Variants in WDPCP observed in about 807,000 individuals in gnomAD.
WDPCP encodes WD repeat-containing and planar cell polarity effector protein fritz homolog.
Under a neutral mutation model 93.1 loss-of-function variants are expected in WDPCP, and 71 were observed. That is an observed-to-expected ratio of 0.76 (90% CI 0.63 to 0.93). WDPCP has a LOEUF of 0.93. WDPCP is among the 40% of genes least tolerant of loss of function. The probability of loss-of-function intolerance (pLI) is 0.00; values close to 1 mark genes in which losing one functional copy is unlikely to be tolerated. For synonymous variants in WDPCP, 315 were observed against 315.0 expected (o/e 1.00, Z 0.00); for missense variants, 844 against 887.4 (o/e 0.95, Z 0.62).
intron 10 of WDPCP, among the ~76,000 whole-genome samples, chr2:63,397,718 TTA>T (rs1235856365): frequency 6.6e-6 from 1 of 152,134 alleles, no homozygotes; most frequent in African/African-American, 2.4e-5. Flanking sequence ...AGACATGTAT[TTA>T]TCAAGTAGGA....
intron 2 of WDPCP, chr2:63,717,675 T>C: frequency 2.0e-6 from 1 of 500,362 alleles, no homozygotes; most frequent in Non-Finnish European, 4.0e-6. Context: ...CAAAATCCTC[T>C]TAGAGCAGGG....
intron 13 of WDPCP, among the ~76,000 whole-genome samples, chr2:63,262,102 T>C (rs941288936): frequency 6.6e-6 from 1 of 152,206 alleles, no homozygotes; most frequent in African/African-American, 2.4e-5. Flanking sequence ...TTTTTACATC[T>C]ATGCTCTTAA....
chr2:63,472,528 T>C (rs1490183797), intron 6 of WDPCP, among the ~76,000 whole-genome samples: 1 of 152,132 alleles, frequency 6.6e-6, no homozygotes, highest in Non-Finnish European at 1.5e-5. Flanking sequence ...AATTTTTCTA[T>C]TTACGCTGTC....
At chr2:63,464,704 G>GA (rs1210546139) in intron 6 of WDPCP, among the ~76,000 whole-genome samples, 1 of 151,942 alleles carries the variant, frequency 6.6e-6, no homozygotes, top group Non-Finnish European at 1.5e-5. Context: ...TATTCAGCCT[G>GA]AAAAAAAGAA....
intron 2 of WDPCP, among the ~76,000 whole-genome samples, chr2:63,810,152 A>G (rs1013713690): frequency 6.6e-6 from 1 of 152,194 alleles, no homozygotes; most frequent in Non-Finnish European, 1.5e-5. Flanking sequence ...TTTATACTTC[A>G]CTGGGCATCC....
chr2:63,576,712 C>A (rs1480807632), intron 1 of WDPCP, among the ~76,000 whole-genome samples: 4 of 152,196 alleles, frequency 2.6e-5, no homozygotes, highest in Non-Finnish European at 5.9e-5. Flanking sequence ...CCTCTGGCAA[C>A]CAGCCCCCCA....
intron 1 of WDPCP, among the ~76,000 whole-genome samples, chr2:63,494,287 T>TGACGACGATGACGACGAC (rs1553411023): frequency 1.3e-5 from 2 of 150,334 alleles, no homozygotes; most frequent in Non-Finnish European, 3.0e-5. Context: ...ATGATGATGA[T>TGACGACGATGACGACGAC]GACGACGACG....
At chr2:63,445,526 A>G (rs1350533275) in intron 6 of WDPCP, among the ~76,000 whole-genome samples, 1 of 152,192 alleles carries the variant, frequency 6.6e-6, no homozygotes, top group African/African-American at 2.4e-5. Flanking sequence ...ATAAAAGAAA[A>G]GTGATCATTC....
chr2:63,216,272 A>G (rs930997379), intron 14 of WDPCP, among the ~76,000 whole-genome samples: 63 of 152,252 alleles, frequency 4.1e-4, no homozygotes, highest in Non-Finnish European at 7.2e-4. Context: ...GTTTATTGCA[A>G]CACTATTCAC....
chr2:63,340,318 G>A (rs1688747366), intron 12 of WDPCP, among the ~76,000 whole-genome samples: 1 of 152,150 alleles, frequency 6.6e-6, no homozygotes, highest in Non-Finnish European at 1.5e-5. Context: ...CTGGCAAGGA[G>A]TTCCTGTCCA....
intron 13 of WDPCP, among the ~76,000 whole-genome samples, chr2:63,299,222 A>T (rs902684319): frequency 6.6e-6 from 1 of 152,218 alleles, no homozygotes; most frequent in Non-Finnish European, 1.5e-5. Context: ...GCATAGGACT[A>T]CTGGGTCCAG....
At chr2:63,440,728 CAA>C (rs1389586031) in intron 6 of WDPCP, 7 of 152,446 alleles carry the variant, frequency 4.6e-5, no homozygotes, top group African/African-American at 1.7e-4. Context: ...GCAACAGACT[CAA>C]AGCTGATGAA....
intron 1 of WDPCP, among the ~76,000 whole-genome samples, chr2:63,582,027 A>G (rs2106552186): frequency 6.6e-6 from 1 of 152,166 alleles, no homozygotes; most frequent in East Asian, 1.9e-4. Flanking sequence ...AATATTCGCA[A>G]TCTGACATTT....
intron 6 of WDPCP, chr2:63,441,547 T>C (rs1697504847): frequency 6.6e-6 from 1 of 152,126 alleles, no homozygotes; most frequent in African/African-American, 2.4e-5. Flanking sequence ...ACATTTATCT[T>C]TGTAGTGCCA....
chr2:63,640,991 G>A (rs1709974348), intron 3 of WDPCP, among the ~76,000 whole-genome samples: 1 of 152,088 alleles, frequency 6.6e-6, no homozygotes, highest in African/African-American at 2.4e-5. Flanking sequence ...CCAGTCCCTA[G>A]TAAACATCTT....
At chr2:63,417,893 G>T (rs1442653646) in intron 9 of WDPCP, among the ~76,000 whole-genome samples, 1 of 151,294 alleles carries the variant, frequency 6.6e-6, no homozygotes, top group Non-Finnish European at 1.5e-5. Flanking sequence ...ATAAAAATGG[G>T]CTCAGATAAA....
intron 13 of WDPCP, among the ~76,000 whole-genome samples, chr2:63,259,663 GTGTT>G (rs775031565): frequency 4.6e-5 from 7 of 152,128 alleles, no homozygotes; most frequent in Non-Finnish European, 8.8e-5. Flanking sequence ...TTTTAATAAA[GTGTT>G]TGACAAAGTT....
At chr2:63,799,666 C>T (rs568088658) in intron 2 of WDPCP, among the ~76,000 whole-genome samples, 1 of 152,118 alleles carries the variant, frequency 6.6e-6, no homozygotes, top group Admixed American at 6.5e-5. Context: ...GTCTCATATT[C>T]TTCTTTTTTA....
intron 13 of WDPCP, among the ~76,000 whole-genome samples, chr2:63,271,458 T>C (rs1297281457): frequency 6.6e-6 from 1 of 152,202 alleles, no homozygotes; most frequent in Non-Finnish European, 1.5e-5. Context: ...CCACCACTGC[T>C]GGTGCCCACA....
Sources: gnomAD v4.1 joint callset for allele counts (sites outside exome capture counted in the v4.1 genomes callset) on GRCh38, gnomAD v4.1.1 for gene constraint, MANE v1.5 for transcripts, NCBI Gene and HGNC (gene_info 2026-07-23, HGNC 2026-07-21) for gene names.